Variants in DENND1C observed in about 807,000 individuals in gnomAD.
The protein encoded by DENND1C is DENN domain-containing protein 1C.
A neutral mutation model predicts 87.9 loss-of-function variants in DENND1C; 64 were observed. That is an observed-to-expected ratio of 0.73 (90% confidence interval 0.60 to 0.90). The LOEUF is 0.90. Ranked by LOEUF, DENND1C falls within the 40% of genes least tolerant of loss-of-function variation. DENND1C has a pLI of 0.00. For missense variants in DENND1C, 980 were observed against 1,037.0 expected, an observed-to-expected ratio of 0.95 and a Z score of 0.76; for synonymous variants, 384 against 424.4, an observed-to-expected ratio of 0.90 and a Z score of 1.17.
rs1272287397 is a variant in DENND1C, at chr19:6,477,137, G to T, written c.514-10C>A. ...CCACGAAGCAGGAAAGCTGGTGGGG[G>T]TATTGGCAGGGGGATCAATCAGTCA... On this transcript the variant is annotated splice_polypyrimidine_tract_variant and intron_variant, in intron 8 of 22. Transcript: ENST00000381480. 1.9e-6 allele frequency: 3 copies of T among 1,602,588 alleles called. No homozygotes were observed. The highest frequency in any genetic ancestry group is 1.7e-4 in the Middle Eastern group (1 of 5,996).
intron 18 of DENND1C, 125 bp from the exon 19 acceptor site, chr19:6,469,765 C>A (rs2092817696): frequency 2.2e-6 from 2 of 917,016 alleles, no homozygotes; most frequent in Non-Finnish European, 3.4e-6. Context: ...ACGTTCACCA[C>A]CCCCCATACA....
intron 21 of DENND1C, 66 bp from the exon 22 acceptor site, chr19:6,468,507 A>G (rs958452599): frequency 1.9e-6 from 3 of 1,565,742 alleles, no homozygotes; most frequent in Middle Eastern, 3.4e-4. Context: ...GCTGCTCTGG[A>G]GTTTGGGAAC....
At chr19:6,480,106 C>T (rs1379706068) in intron 1 of DENND1C, 55 bp from the exon 2 acceptor site, 15 of 1,564,922 alleles carry the variant, frequency 9.6e-6, no homozygotes, top group Non-Finnish European at 1.1e-5. Context: ...GTGGTTGTGT[C>T]TGCCACTTTG....
At chr19:6,470,023 T>A in intron 18 of DENND1C, 1 of 482,250 alleles carries the variant, frequency 2.1e-6, no homozygotes, top group Non-Finnish European at 3.7e-6. Flanking sequence ...AAAAAGAATG[T>A]TTGCCAGCAA....
chr19:6,474,238 G>C (rs912154818), intron 14 of DENND1C, among the ~76,000 whole-genome samples: 1 of 151,950 alleles, frequency 6.6e-6, no homozygotes, highest in Non-Finnish European at 1.5e-5. Flanking sequence ...GACTGCTTGC[G>C]GGGGAGTCCC....
intron 10 of DENND1C, 117 bp from the exon 11 acceptor site, chr19:6,476,054 T>C: frequency 1.0e-6 from 1 of 979,186 alleles, no homozygotes; most frequent in African/African-American, 1.7e-5. Flanking sequence ...CACTGCTGGA[T>C]AATGAGTGAC....
At chr19:6,473,613 G>A (rs1032818791) in intron 14 of DENND1C, among the ~76,000 whole-genome samples, 1 of 149,784 alleles carries the variant, frequency 6.7e-6, no homozygotes, top group Non-Finnish European at 1.5e-5. Flanking sequence ...TGGGACCACA[G>A]GTGCACGCCA....
chr19:6,479,491 C>A (rs2092885560), intron 4 of DENND1C, among the ~76,000 whole-genome samples, 178 bp downstream of exon 4: 1 of 150,350 alleles, frequency 6.7e-6, no homozygotes, highest in East Asian at 1.9e-4. Context: ...TGTCTGAGTC[C>A]CTGGATGCTA....
At chr19:6,477,928 T>C (rs62107615) in intron 6 of DENND1C, among the ~76,000 whole-genome samples, 2 of 142,170 alleles carry the variant, frequency 1.4e-5, no homozygotes, top group African/African-American at 2.6e-5. Context: ...AAAAAAAAAT[T>C]AGCCGGGCTG....
At chr19:6,479,144 A>AGT in intron 4 of DENND1C, 88 bp from the exon 5 acceptor site, 1 of 1,549,744 alleles carries the variant, frequency 6.5e-7, no homozygotes, top group South Asian at 1.2e-5. Context: ...TAGGACCCTG[A>AGT]GTGTATGGGT....
In DENND1C at chr19:6,476,983, T is replaced by C; in HGVS notation, c.568-16A>G. ...TTAGGTTCCTCTGAGGATCAGAGAG[T>C]CGCTCTGGGCGTGGACGGGCCCCTG... On this transcript the variant is annotated splice_polypyrimidine_tract_variant and intron_variant, in intron 9 of 22. Transcript: ENST00000381480. 6.2e-7 allele frequency: 1 copy of C among 1,613,358 alleles called. No individual in the cohort carries two copies.
intron 10 of DENND1C, 158 bp downstream of exon 10, chr19:6,476,699 C>T (rs1249645196): frequency 2.8e-6 from 2 of 718,012 alleles, no homozygotes; most frequent in African/African-American, 3.6e-5. Context: ...AGGGCGGGGC[C>T]AGAGTTCAAC....
At position 6,480,482 on chromosome 19, in the gene DENND1C, ATCTG is replaced by A. The variant is rs372347560; in HGVS notation, c.18-435_18-432del. On this transcript the variant is annotated intron_variant, in intron 1 of 22. Transcript: ENST00000381480. ...TCTCTCTCTATATATATATCCATCT[ATCTG>A]TCTGTCTGTCTGTCTCTGTCTATCC... 103 of 983,684 alleles carry A rather than the reference ATCTG, an allele frequency of 1.0e-4. 1 individual carries two copies. The highest frequency in any genetic ancestry group is 1.0e-3 in the Middle Eastern group (2 of 1,912). 60.9% of individuals were successfully genotyped at this position (983,684 alleles called of 1,614,324 possible). A position where few individuals can be genotyped will look rare whatever the true frequency, so the allele number is the denominator to read the frequency against.
chr19:6,481,603 C>T (rs551662629), intron 1 of DENND1C, 76 bp downstream of exon 1: 2 of 1,600,874 alleles, frequency 1.2e-6, no homozygotes, highest in African/African-American at 1.3e-5. Flanking sequence ...TGCTCCAGCC[C>T]CAGCTCCCCT....
chr19:6,478,760 A>C, intron 6 of DENND1C, 23 bp downstream of exon 6: 1 of 1,603,650 alleles, frequency 6.2e-7, no homozygotes, highest in South Asian at 1.1e-5. Context: ...CTCCCACAGG[A>C]GTGAGAGAGG....
intron 4 of DENND1C, 46 bp from the exon 5 acceptor site, chr19:6,479,102 C>T (rs763120000): frequency 6.2e-7 from 1 of 1,609,562 alleles, no homozygotes; most frequent in East Asian, 2.2e-5. Flanking sequence ...TCCCAGCTGT[C>T]TGAGGATGTC....
Position 6,479,530 on chromosome 19 carries a change from C to G in DENND1C, c.176+139G>C, listed in dbSNP as rs1047118188. On this transcript the variant is annotated intron_variant, in intron 4 of 22. Transcript: ENST00000381480. ...TATATAGGTCCCTAGTTCTCAGGGCCCCTGAGTGTCTGAGTCTCTGAGTCT... is the reference window on the plus strand; with the variant it reads ...TATATAGGTCCCTAGTTCTCAGGGCGCCTGAGTGTCTGAGTCTCTGAGTCT... The G allele has an allele frequency of 3.8e-6, 4 of 1,042,518 alleles. No individual in the cohort carries two copies. The African/African-American group carries it at 6.4e-5, about 17-fold the overall frequency. 64.6% of individuals were successfully genotyped at this position (1,042,518 alleles called of 1,614,324 possible).
chr19:6,479,854 A>G lies in DENND1C; in HGVS notation c.126+5T>C. On this transcript the variant is annotated splice_donor_5th_base_variant and intron_variant, in intron 3 of 22. Transcript: ENST00000381480. Reference sequence around the variant, plus strand: ...CCTGGGGGAGCAAGGAGCCAGCCTGAATACCTGGTCCCTGAAGTCTGGAGG... The same window carrying G: ...CCTGGGGGAGCAAGGAGCCAGCCTGGATACCTGGTCCCTGAAGTCTGGAGG... 6.2e-7 allele frequency: 1 copy of G among 1,611,686 alleles called. No homozygotes were observed. The highest frequency in any genetic ancestry group is 1.1e-5 in the South Asian group (1 of 90,834).
intron 14 of DENND1C, among the ~76,000 whole-genome samples, chr19:6,473,456 G>GTTT (rs1206263146): frequency 6.4e-5 from 5 of 77,844 alleles, no homozygotes; most frequent in South Asian, 3.5e-4. Context: ...CCCAGCCCTG[G>GTTT]TTTTTTTTTT....
Sources: gnomAD v4.1 joint callset for allele counts (sites outside exome capture counted in the v4.1 genomes callset) on GRCh38, gnomAD v4.1.1 for gene constraint, MANE v1.5 for transcripts, NCBI Gene and HGNC (gene_info 2026-07-23, HGNC 2026-07-21) for gene names.